TRABD2B: variants seen among roughly 807,000 people sequenced by gnomAD.
TRABD2B encodes TraB domain containing 2B.
In TRABD2B, 14 loss-of-function variants were observed where a neutral mutation model predicts 40.1. The observed-to-expected ratio is 0.35, with a 90% CI of 0.23 to 0.55. TRABD2B has a LOEUF of 0.55. Among genes scored for constraint, TRABD2B ranks in the 20% least tolerant of loss-of-function variants. The pLI is 0.90. For missense variants in TRABD2B, 541 were observed against 648.6 expected (o/e 0.83, Z 1.80); for synonymous variants, 263 against 277.0 (o/e 0.95, Z 0.50).
chr1:47,968,591 T>C (rs555308189), intron 2 of TRABD2B, among the ~76,000 whole-genome samples: 1 of 152,262 alleles, frequency 6.6e-6, no homozygotes, highest in Admixed American at 6.5e-5. Flanking sequence ...ACATATCCCT[T>C]TGAATCACCT....
At chr1:47,773,977 G>A (rs920787966) in intron 6 of TRABD2B, among the ~76,000 whole-genome samples, 22 of 152,216 alleles carry the variant, frequency 1.4e-4, no homozygotes, top group Non-Finnish European at 7.3e-5. Context: ...AGTGCAAAGT[G>A]CAAGAGGCAG....
At chr1:47,846,857 T>TATACACACACACACACACACAC (rs374941615) in intron 2 of TRABD2B, among the ~76,000 whole-genome samples, 5 of 106,388 alleles carry the variant, frequency 4.7e-5, no homozygotes, top group East Asian at 3.6e-4. Context: ...AAAACATGCA[T>TATACACACACACACACACACAC]ACACACACAC....
At chr1:47,861,696 A>C (rs1371661563) in intron 2 of TRABD2B, among the ~76,000 whole-genome samples, 1 of 152,186 alleles carries the variant, frequency 6.6e-6, no homozygotes, top group Non-Finnish European at 1.5e-5. Flanking sequence ...TTTAGGAAAG[A>C]GATTATACCA....
At chr1:47,968,960 C>A (rs532004196) in intron 2 of TRABD2B, among the ~76,000 whole-genome samples, 4 of 152,220 alleles carry the variant, frequency 2.6e-5, no homozygotes, top group African/African-American at 4.8e-5. Context: ...GGTGGCTGAT[C>A]CTGCAGACTA....
At position 47,994,344 on chromosome 1, in the gene TRABD2B, C is replaced by G. The variant is rs1646057903; in HGVS notation, c.356G>C (p.Trp119Ser). 6.5e-7 allele frequency: 1 copy of G among 1,536,096 alleles called. No individual in the cohort carries two copies. Among genetic ancestry groups the G allele is most frequent in the South Asian group, 1.2e-5 (1 of 84,072 alleles). The change falls in exon 2 of 7, where the codon TGG becomes TCG. Residue 119 changes from tryptophan (W) to serine (S), a missense_variant. Trp to Ser is a radical substitution (Grantham distance 177). Transcript: ENST00000606738. The surrounding 1 kb of genome is among the most constrained non-coding windows in gnomAD (Gnocchi z 6.7). ...GTAGTCCAGGTGGCGCTTCAAGCGC[C>G]AGTAAAGCTCGTGGGGCAGCACGTC... The part of the protein sequence containing the change: ...LQDVLPHELY[W>S]RLKRHLDYVK...
intron 4 of TRABD2B, among the ~76,000 whole-genome samples, chr1:47,784,986 G>C (rs975648391): frequency 2.0e-5 from 3 of 152,226 alleles, no homozygotes; most frequent in Non-Finnish European, 4.4e-5. Context: ...GGTTGAAGTG[G>C]AAGGAGAGGG....
intron 2 of TRABD2B, among the ~76,000 whole-genome samples, chr1:47,832,706 C>T (rs551420568): frequency 3.3e-5 from 5 of 152,292 alleles, no homozygotes; most frequent in South Asian, 2.1e-4. Flanking sequence ...CAAGTCTTGA[C>T]GCTGGGTGCT....
At chr1:47,863,869 GATAA>G (rs754743244) in intron 2 of TRABD2B, among the ~76,000 whole-genome samples, 2 of 152,086 alleles carry the variant, frequency 1.3e-5, no homozygotes, top group African/African-American at 4.8e-5. Flanking sequence ...TAGATTAATG[GATAA>G]ATAAACTACA....
chr1:47,771,745 T>C (rs1644380078), intron 6 of TRABD2B, among the ~76,000 whole-genome samples: 1 of 152,198 alleles, frequency 6.6e-6, no homozygotes. Flanking sequence ...TGCACAGCCA[T>C]CTGTGGACAC....
rs531038755 is a variant in TRABD2B, at chr1:47,994,052, G to A, written c.648C>T (p.Asn216=). The A allele has an allele frequency of 8.9e-5, 137 of 1,535,434 alleles. No individual in the cohort carries two copies. The South Asian group carries it at 9.4e-4, about 11-fold the overall frequency. The change falls in exon 2 of 7, where the codon AAC becomes AAT. Residue 216 remains asparagine (N), a synonymous_variant. Coordinates refer to ENST00000606738, the MANE Select transcript of TRABD2B (RefSeq NM_001194986.2). The surrounding 1 kb of genome is among the most constrained non-coding windows in gnomAD (Gnocchi z 6.7). ...QVEEQCHPLN[N]GLNFSQVLFA... is the part of the protein sequence containing the mutation. ...TGCCTACCTGGGAGAAGTTGAGCCC[G>A]TTGTTGAGGGGATGGCACTGCTCCT...
At chr1:47,858,181 A>C (rs550378620) in intron 2 of TRABD2B, among the ~76,000 whole-genome samples, 1 of 151,880 alleles carries the variant, frequency 6.6e-6, no homozygotes, top group African/African-American at 2.4e-5. Flanking sequence ...GGCAACTACA[A>C]TAGTCATTCA....
chr1:47,814,945 C>T (rs895629666), intron 2 of TRABD2B, among the ~76,000 whole-genome samples: 3 of 152,166 alleles, frequency 2.0e-5, no homozygotes, highest in East Asian at 3.8e-4. Flanking sequence ...GACGGTCAGG[C>T]GAGGGAGGGT....
At chr1:47,845,092 C>T (rs900822773) in intron 2 of TRABD2B, among the ~76,000 whole-genome samples, 12 of 152,276 alleles carry the variant, frequency 7.9e-5, no homozygotes, top group Admixed American at 3.3e-4. Context: ...AATCTCCAGA[C>T]GCTGGTCAGG....
intron 4 of TRABD2B, among the ~76,000 whole-genome samples, chr1:47,790,747 T>C (rs1292982463): frequency 6.6e-6 from 1 of 152,202 alleles, no homozygotes; most frequent in Non-Finnish European, 1.5e-5. Flanking sequence ...GCAAAATGAG[T>C]ATCATTAAAA....
chr1:47,973,856 C>T (rs1406681506), intron 2 of TRABD2B, among the ~76,000 whole-genome samples: 1 of 152,208 alleles, frequency 6.6e-6, no homozygotes, highest in Non-Finnish European at 1.5e-5. Context: ...ATAATCCCAG[C>T]ACTTTGGGAT....
chr1:47,915,627 G>C (rs1644820648), intron 2 of TRABD2B, among the ~76,000 whole-genome samples: 1 of 152,190 alleles, frequency 6.6e-6, no homozygotes, highest in Non-Finnish European at 1.5e-5. Context: ...GACATTCCAT[G>C]TTCCCACACT....
chr1:47,850,967 T>C (rs1478635048), intron 2 of TRABD2B, among the ~76,000 whole-genome samples: 1 of 152,096 alleles, frequency 6.6e-6, no homozygotes, highest in African/African-American at 2.4e-5. Context: ...GGGTTCATGC[T>C]CCTCTGAGAA....
intron 2 of TRABD2B, among the ~76,000 whole-genome samples, chr1:47,921,129 C>T (rs1037892046): frequency 6.6e-6 from 1 of 152,194 alleles, no homozygotes; most frequent in Admixed American, 6.5e-5. Context: ...TTGATCTGTG[C>T]TTGGTGCTCA....
At position 47,798,432 on chromosome 1, in the gene TRABD2B, T is replaced by C. The variant is rs536468335; in HGVS notation, c.813+3041A>G. Among the ~76,000 whole-genome samples the C allele has an allele frequency of 3.3e-5, 5 of 152,342 alleles. No homozygotes were observed. In the East Asian group the frequency reaches 9.7e-4, roughly 29 times the overall value. On this transcript the variant is annotated intron_variant, in intron 3 of 6. Coordinates refer to ENST00000606738, the MANE Select transcript of TRABD2B (RefSeq NM_001194986.2). Reference sequence around the variant, plus strand: ...CAAGGGGAAGGCCTTTGGATCACCCTGCTGTTGCTAGGCACAGACAGTGCC... The same window carrying C: ...CAAGGGGAAGGCCTTTGGATCACCCCGCTGTTGCTAGGCACAGACAGTGCC...
Sources: allele counts gnomAD v4.1 joint callset (sites outside exome capture counted in the v4.1 genomes callset), GRCh38; gene constraint gnomAD v4.1.1; non-coding constraint Gnocchi (gnomAD v3.1); transcripts MANE v1.5; gene names NCBI Gene and HGNC (gene_info 2026-07-23, HGNC 2026-07-21).